The following MGAT5 variants were observed in gnomAD, a reference collection of about 807,000 sequenced individuals.
The protein encoded by MGAT5 is alpha-1,6-mannosylglycoprotein 6-beta-N-acetylglucosaminyltransferase, also known as alpha-1,6-mannosylglycoprotein 6-beta-N-acetylglucosaminyltransferase A.
MGAT5 carries 30 observed loss-of-function variants against 94.3 expected under a neutral mutation model. That is an observed-to-expected ratio of 0.32 (90% CI 0.24 to 0.43). The LOEUF (loss-of-function observed/expected upper bound fraction) is 0.43, where lower values mean the gene tolerates loss of function less well. Ranked by LOEUF, MGAT5 falls within the 20% of genes least tolerant of loss-of-function variation. MGAT5 has a pLI of 1.00. For synonymous variants in MGAT5, 310 were observed against 322.9 expected (o/e 0.96, Z 0.43); for missense variants, 691 against 905.5 (o/e 0.76, Z 3.04).
intron 1 of MGAT5, among the ~76,000 whole-genome samples, chr2:134,145,090 T>G (rs963797854): frequency 5.3e-5 from 8 of 152,208 alleles, no homozygotes; most frequent in Non-Finnish European, 1.0e-4. Flanking sequence ...ACCTTGGTCT[T>G]TTGGAAAATT....
chr2:134,239,474 A>G (rs1681850845), intron 1 of MGAT5, among the ~76,000 whole-genome samples: 1 of 152,220 alleles, frequency 6.6e-6, no homozygotes, highest in Non-Finnish European at 1.5e-5. Flanking sequence ...TGTTAAATCA[A>G]TAACCTTGAT....
intron 1 of MGAT5, among the ~76,000 whole-genome samples, chr2:134,236,122 G>C (rs1210423946): frequency 6.6e-6 from 1 of 152,180 alleles, no homozygotes; most frequent in Non-Finnish European, 1.5e-5. Context: ...AAAGTTTTGA[G>C]ATGTGGCTTG....
intron 2 of MGAT5, among the ~76,000 whole-genome samples, chr2:134,316,400 A>G (rs4954131): frequency 0.15 from 22,732 of 152,134 alleles, 1,819 homozygotes; most frequent in Middle Eastern, 0.35. Context: ...TTGTCTTCAC[A>G]TCTTGGCTAA....
chr2:134,196,312 C>T (rs1309084693), intron 1 of MGAT5, among the ~76,000 whole-genome samples: 1 of 151,586 alleles, frequency 6.6e-6, no homozygotes, highest in Non-Finnish European at 1.5e-5. Context: ...TTCTTTGAAA[C>T]GATTTTAGGC....
chr2:134,175,096 G>A (rs746082055), intron 1 of MGAT5, among the ~76,000 whole-genome samples: 5 of 152,210 alleles, frequency 3.3e-5, no homozygotes, highest in Non-Finnish European at 5.9e-5. Context: ...GTATGTGTCC[G>A]GGTGTGTGGA....
chr2:134,387,273 TA>T (rs1278639582), intron 10 of MGAT5, among the ~76,000 whole-genome samples: 15 of 94,596 alleles, frequency 1.6e-4, no homozygotes, highest in African/African-American at 5.4e-4. Flanking sequence ...AAATAAAAAA[TA>T]AAAATAAAAA....
rs144165830 is a variant in MGAT5 at position 134,437,700 on chromosome 2, T to C, written c.1870-4058T>C. On this transcript the variant is annotated intron_variant, in intron 14 of 15. Coordinates refer to ENST00000281923, the MANE Select transcript of MGAT5 (RefSeq NM_002410.5). Reference sequence around the variant, plus strand: ...TATAAAATTTAAAGGCTGCAGAAGTTATCCAGTTGCTCCTAAAGAATTACA... The same window carrying C: ...TATAAAATTTAAAGGCTGCAGAAGTCATCCAGTTGCTCCTAAAGAATTACA... 1.1e-4 allele frequency among the ~76,000 whole-genome samples: 16 copies of C among 152,320 alleles called. No individual in the cohort carries two copies. The East Asian group carries it at 3.1e-3, about 29-fold the overall frequency.
At chr2:134,295,006 C>T (rs1293377647) in intron 2 of MGAT5, among the ~76,000 whole-genome samples, 2 of 152,172 alleles carry the variant, frequency 1.3e-5, no homozygotes, top group Admixed American at 6.5e-5. Flanking sequence ...CTCCTTTGTT[C>T]GGTGTACTAT....
intron 1 of MGAT5, among the ~76,000 whole-genome samples, chr2:134,173,487 A>G (rs72843955): frequency 0.021 from 3,153 of 152,310 alleles, 37 homozygotes; most frequent in Non-Finnish European, 0.026. Context: ...TCACGCCAGT[A>G]TCTGCACCCC....
At chr2:134,218,884 T>G (rs1680621127) in intron 1 of MGAT5, among the ~76,000 whole-genome samples, 1 of 152,202 alleles carries the variant, frequency 6.6e-6, no homozygotes, top group South Asian at 2.1e-4. Context: ...ATACTTCACG[T>G]GGTTCCTTAA....
intron 1 of MGAT5, among the ~76,000 whole-genome samples, chr2:134,156,874 G>T (rs1470266796): frequency 6.6e-6 from 1 of 152,180 alleles, no homozygotes; most frequent in Non-Finnish European, 1.5e-5. Context: ...CAACTGGGAC[G>T]TTGGACTCGG....
At chr2:134,317,688 C>A in intron 3 of MGAT5, 83 bp downstream of exon 3, 1 of 904,326 alleles carries the variant, frequency 1.1e-6, no homozygotes, top group Non-Finnish European at 1.6e-6. Context: ...CTCAGTGACA[C>A]AAATGGGTGA....
At chr2:134,395,438 C>A (rs1682650907) in intron 10 of MGAT5, among the ~76,000 whole-genome samples, 1 of 152,216 alleles carries the variant, frequency 6.6e-6, no homozygotes, top group Non-Finnish European at 1.5e-5. Context: ...TGGGCATAAG[C>A]ATTGGTTCCA....
At chr2:134,366,747 T>A (rs1680455668) in intron 10 of MGAT5, among the ~76,000 whole-genome samples, 1 of 152,224 alleles carries the variant, frequency 6.6e-6, no homozygotes, top group Non-Finnish European at 1.5e-5. Flanking sequence ...ACCGGTGGGC[T>A]GTTGGAAGAG....
At chr2:134,204,708 G>T (rs1005990436) in intron 1 of MGAT5, among the ~76,000 whole-genome samples, 1 of 152,122 alleles carries the variant, frequency 6.6e-6, no homozygotes, top group Non-Finnish European at 1.5e-5. Context: ...CTTTTTAAGA[G>T]GACTTGATAT....
At chr2:134,272,995 A>ATG (rs796139497) in intron 2 of MGAT5, among the ~76,000 whole-genome samples, 13 of 151,442 alleles carry the variant, frequency 8.6e-5, no homozygotes, top group African/African-American at 2.4e-5. Flanking sequence ...TGGCCCGTGT[A>ATG]TGTGTGTGTG....
At chr2:134,246,520 G>A (rs140816847) in intron 1 of MGAT5, among the ~76,000 whole-genome samples, 1,754 of 152,206 alleles carry the variant, frequency 0.012, 41 homozygotes, top group African/African-American at 0.039. Context: ...CCCCACCACC[G>A]TCCCCGTTCC....
chr2:134,156,013 G>A (rs966129048), intron 1 of MGAT5, among the ~76,000 whole-genome samples: 4 of 152,036 alleles, frequency 2.6e-5, no homozygotes, highest in Admixed American at 1.3e-4. Context: ...GTATTCATCC[G>A]TAGGCTTGCT....
At position 134,270,547 on chromosome 2, in the gene MGAT5, G is replaced by T; in HGVS notation, c.403G>T (p.Ala135Ser). The T allele has an allele frequency of 1.9e-6, 3 of 1,614,034 alleles. No homozygotes were observed. The highest frequency in any genetic ancestry group is 1.7e-6 in the Non-Finnish European group (2 of 1,179,958). ...SLVALEKINVADIINGAQEKC... is the reference protein window; with the variant it reads ...SLVALEKINVSDIINGAQEKC... ...GGTTGCACTTGAGAAAATTAATGTG[G>T]CAGGTAAAAATAGCAATTCTCTGCC... The change falls in exon 2 of 16, where the codon GCA becomes TCA. Residue 135 changes from alanine (A) to serine (S), a missense_variant. By Grantham distance (99) the Ala-to-Ser change is moderately conservative. Around this residue, in one of 4 missense-constraint regions of MGAT5, gnomAD observed 307 missense variants for 335.4 expected, o/e 0.92. Transcript: ENST00000281923.
Sources: gnomAD v4.1 joint callset for allele counts (sites outside exome capture counted in the v4.1 genomes callset) on GRCh38, gnomAD v4.1.1 for gene constraint, gnomAD v4.1.1 regional missense constraint, MANE v1.5 for transcripts, NCBI Gene and HGNC (gene_info 2026-07-23, HGNC 2026-07-21) for gene names.